The following OR1J2 variants were observed in gnomAD, a reference collection of about 807,000 sequenced individuals.
The protein encoded by OR1J2 is olfactory receptor family 1 subfamily J member 2.
For missense variants in OR1J2, 304 were observed against 246.1 expected, an observed-to-expected ratio of 1.24 and a Z score of -1.57; for synonymous variants, 142 against 99.7, an observed-to-expected ratio of 1.42 and a Z score of -2.52.
chr9:122,473,577 A>T, the OR1J2 span, among the ~76,000 whole-genome samples: 1 of 152,192 alleles, frequency 6.6e-6, no homozygotes, highest in African/African-American at 2.4e-5. Flanking sequence ...TGGGTGGGAT[A>T]TGTCAATATG....
chr9:122,553,220 A>C, the OR1J2 span: 43 of 1,613,616 alleles, frequency 2.7e-5, no homozygotes, highest in Non-Finnish European at 3.3e-5. Flanking sequence ...GGATGGGAAA[A>C]CCAGGCAGAG....
chr9:122,533,792 C>T, the OR1J2 span, among the ~76,000 whole-genome samples: 6 of 152,044 alleles, frequency 3.9e-5, no homozygotes, highest in East Asian at 3.9e-4. Context: ...GGGTAGCCTC[C>T]GTATTAAGAA....
the OR1J2 span, chr9:122,477,472 G>T: frequency 1.2e-6 from 2 of 1,614,010 alleles, no homozygotes; most frequent in Non-Finnish European, 1.7e-6. Flanking sequence ...ACACGCACAA[G>T]CGATGACCCA....
the OR1J2 span, among the ~76,000 whole-genome samples, chr9:122,502,360 T>C: frequency 6.6e-6 from 1 of 152,188 alleles, no homozygotes; most frequent in Non-Finnish European, 1.5e-5. Flanking sequence ...ACTGCTTCAG[T>C]TGGTCTCAAG....
chr9:122,503,685 A>G, the OR1J2 span, among the ~76,000 whole-genome samples: 25 of 152,172 alleles, frequency 1.6e-4, no homozygotes, highest in African/African-American at 5.3e-4. Flanking sequence ...ATTTTTCAAA[A>G]ATACTCTATC....
chr9:122,553,813 T>C, the OR1J2 span: 5 of 1,614,096 alleles, frequency 3.1e-6, no homozygotes, highest in Non-Finnish European at 4.2e-6. Flanking sequence ...AACGAGCTGA[T>C]GATCATCACC....
chr9:122,545,511 A>G, the OR1J2 span, among the ~76,000 whole-genome samples: 1 of 152,146 alleles, frequency 6.6e-6, no homozygotes. Context: ...ATAAGATGCA[A>G]CCACATTTAT....
chr9:122,553,703 G>A, the OR1J2 span: 3 of 1,614,096 alleles, frequency 1.9e-6, no homozygotes, highest in Middle Eastern at 1.7e-4. Flanking sequence ...TGCACACACT[G>A]TTGCTGACCC....
At chr9:122,575,278 T>C in the OR1J2 span, among the ~76,000 whole-genome samples, 1 of 152,134 alleles carries the variant, frequency 6.6e-6, no homozygotes. Context: ...AATTCTTCTT[T>C]AAATGTTTAG....
At chr9:122,529,511 C>T in the OR1J2 span, among the ~76,000 whole-genome samples, 1 of 152,280 alleles carries the variant, frequency 6.6e-6, no homozygotes, top group Non-Finnish European at 1.5e-5. Flanking sequence ...AGAAAACTCC[C>T]CAAATCCTCA....
the OR1J2 span, among the ~76,000 whole-genome samples, chr9:122,466,434 C>T: frequency 6.6e-6 from 1 of 152,178 alleles, no homozygotes; most frequent in Admixed American, 6.5e-5. Context: ...TTGCAAATGG[C>T]CTTTCTCAAG....
At chr9:122,554,024 A>G in the OR1J2 span, 1 of 1,613,776 alleles carries the variant, frequency 6.2e-7, no homozygotes, top group Non-Finnish European at 8.5e-7. Context: ...CTTACTCTAC[A>G]GAGAGGGAAA....
the OR1J2 span, among the ~76,000 whole-genome samples, chr9:122,539,929 GTTCATATCC>G: frequency 6.6e-6 from 1 of 151,804 alleles, no homozygotes. Context: ...AGAAGTGTCT[GTTCATATCC>G]TTCACCCACT....
chr9:122,553,766 T>C, the OR1J2 span: 5 of 1,614,074 alleles, frequency 3.1e-6, no homozygotes, highest in Non-Finnish European at 4.2e-6. Context: ...GTGATCCTAG[T>C]GCTCTCCTGA....
At chr9:122,558,430 CTTTT>C in the OR1J2 span, among the ~76,000 whole-genome samples, 4 of 142,200 alleles carry the variant, frequency 2.8e-5, no homozygotes, top group Admixed American at 3.0e-4. Context: ...AGCTCAGTTC[CTTTT>C]TTGTTTGTTT....
the OR1J2 span, among the ~76,000 whole-genome samples, chr9:122,447,735 T>A: frequency 6.6e-6 from 1 of 152,230 alleles, no homozygotes; most frequent in Non-Finnish European, 1.5e-5. Flanking sequence ...TGCTCTCTCC[T>A]TTCCTTTCTT....
At chr9:122,469,651 A>C in the OR1J2 span, among the ~76,000 whole-genome samples, 2 of 152,228 alleles carry the variant, frequency 1.3e-5, no homozygotes, top group Non-Finnish European at 2.9e-5. Flanking sequence ...TGGAGGGCTC[A>C]GAAGAAGACA....
At chr9:122,468,615 C>T in the OR1J2 span, among the ~76,000 whole-genome samples, 1 of 152,126 alleles carries the variant, frequency 6.6e-6, no homozygotes, top group African/African-American at 2.4e-5. Context: ...ACACCATCCT[C>T]CAGGATACTA....
the OR1J2 span, among the ~76,000 whole-genome samples, chr9:122,469,650 C>T: frequency 2.6e-5 from 4 of 152,100 alleles, no homozygotes; most frequent in African/African-American, 9.7e-5. Flanking sequence ...TTGGAGGGCT[C>T]AGAAGAAGAC....
Sources: allele counts gnomAD v4.1 joint callset (sites outside exome capture counted in the v4.1 genomes callset), GRCh38; gene constraint gnomAD v4.1.1; transcripts MANE v1.5; gene names NCBI Gene and HGNC (gene_info 2026-07-23, HGNC 2026-07-21).